The following CACNG2 variants were observed in gnomAD, a reference collection of about 807,000 sequenced individuals.
CACNG2 encodes the protein voltage-dependent calcium channel gamma-2 subunit.
CACNG2 carries 3 observed loss-of-function variants against 25.9 expected under a neutral mutation model. The observed-to-expected ratio is 0.12, with a 90% CI of 0.05 to 0.30. The LOEUF is 0.30. Among genes scored for constraint, CACNG2 ranks in the 10% least tolerant of loss-of-function variants. The probability of loss-of-function intolerance (pLI) is 1.00; values close to 1 mark genes in which losing one functional copy is unlikely to be tolerated. For synonymous variants in CACNG2, 167 were observed against 173.3 expected (o/e 0.96, Z 0.29); for missense variants, 341 against 432.5 (o/e 0.79, Z 1.88).
chr22:36,676,932 TTGTGTGTGTGTGTGTGTG>T (rs138729815), intron 1 of CACNG2, among the ~76,000 whole-genome samples: 2 of 141,650 alleles, frequency 1.4e-5, no homozygotes, highest in African/African-American at 2.6e-5. Context: ...TCTTCTAATA[TTGTGTGTGTGTGTGTGTG>T]TGTGTGTGTG....
At chr22:36,598,383 C>A (rs1041882986) in intron 1 of CACNG2, among the ~76,000 whole-genome samples, 1 of 152,136 alleles carries the variant, frequency 6.6e-6, no homozygotes, top group African/African-American at 2.4e-5. Flanking sequence ...GTTGGGAGGC[C>A]GAGGTGGGCA....
At chr22:36,608,085 T>C (rs746601385) in intron 1 of CACNG2, among the ~76,000 whole-genome samples, 3 of 152,086 alleles carry the variant, frequency 2.0e-5, no homozygotes, top group Non-Finnish European at 4.4e-5. Context: ...TCCGGGTAAG[T>C]GTTGTGTTTT....
intron 1 of CACNG2, among the ~76,000 whole-genome samples, chr22:36,604,810 C>T (rs1935807565): frequency 2.0e-5 from 3 of 152,204 alleles, no homozygotes; most frequent in South Asian, 2.1e-4. Flanking sequence ...CAGAATCTCA[C>T]TCGGTCACCC....
chr22:36,615,318 T>A (rs1358671021), intron 1 of CACNG2, among the ~76,000 whole-genome samples: 1 of 152,304 alleles, frequency 6.6e-6, no homozygotes, highest in East Asian at 1.9e-4. Context: ...ATTTCCTGTA[T>A]CTCATGGGTA....
At chr22:36,596,700 C>A (rs1199963450) in intron 1 of CACNG2, among the ~76,000 whole-genome samples, 1 of 152,156 alleles carries the variant, frequency 6.6e-6, no homozygotes, top group African/African-American at 2.4e-5. Flanking sequence ...CCACAATGAA[C>A]AATTGCTCAT....
At chr22:36,634,579 T>A (rs1266998169) in intron 1 of CACNG2, among the ~76,000 whole-genome samples, 1 of 152,204 alleles carries the variant, frequency 6.6e-6, no homozygotes, top group East Asian at 1.9e-4. Context: ...ACTGGTAAAA[T>A]TTTTTTAGGA....
chr22:36,582,407 T>C (rs1935432904), intron 2 of CACNG2, among the ~76,000 whole-genome samples: 1 of 82,526 alleles, frequency 1.2e-5, no homozygotes, highest in Admixed American at 1.5e-4. Flanking sequence ...TCTTTCTTTC[T>C]TTCTTTTTTT....
At chr22:36,693,449 G>A (rs769139826) in intron 1 of CACNG2, among the ~76,000 whole-genome samples, 10 of 152,132 alleles carry the variant, frequency 6.6e-5, no homozygotes, top group Non-Finnish European at 1.3e-4. Context: ...CACCTGCTCA[G>A]CAAGTCTCAT....
intron 1 of CACNG2, among the ~76,000 whole-genome samples, chr22:36,661,418 A>G (rs749239053): frequency 6.6e-6 from 1 of 152,190 alleles, no homozygotes; most frequent in Non-Finnish European, 1.5e-5. Flanking sequence ...GACATGGGAC[A>G]AATCATCCAA....
intron 1 of CACNG2, among the ~76,000 whole-genome samples, chr22:36,590,510 C>T (rs538454231): frequency 4.1e-4 from 62 of 152,184 alleles, no homozygotes; most frequent in Non-Finnish European, 5.9e-4. Context: ...TCCCTGCAGG[C>T]TCCATCCATC....
intron 1 of CACNG2, among the ~76,000 whole-genome samples, chr22:36,627,441 T>C (rs1936201279): frequency 6.6e-6 from 1 of 152,080 alleles, no homozygotes; most frequent in South Asian, 2.1e-4. Flanking sequence ...ATGCTCACGG[T>C]AACACATATA....
intron 1 of CACNG2, among the ~76,000 whole-genome samples, chr22:36,613,851 C>T (rs1404444761): frequency 2.0e-5 from 3 of 152,076 alleles, no homozygotes; most frequent in Non-Finnish European, 4.4e-5. Flanking sequence ...CTTCCTCCAG[C>T]CCATTTCCCA....
intron 1 of CACNG2, among the ~76,000 whole-genome samples, chr22:36,600,897 A>G (rs1043062068): frequency 2.0e-5 from 3 of 152,130 alleles, no homozygotes; most frequent in African/African-American, 7.2e-5. Flanking sequence ...GGTATCCAAC[A>G]TGATGTTGTA....
At chr22:36,586,926 C>T (rs953513372) in intron 2 of CACNG2, among the ~76,000 whole-genome samples, 2 of 137,842 alleles carry the variant, frequency 1.5e-5, no homozygotes, top group Non-Finnish European at 3.1e-5. Flanking sequence ...CTTTGACTTA[C>T]TTGACTTGCG....
chr22:36,646,183 CT>C (rs1183043188), intron 1 of CACNG2, among the ~76,000 whole-genome samples: 1 of 152,094 alleles, frequency 6.6e-6, no homozygotes, highest in East Asian at 1.9e-4. Flanking sequence ...ATATGTATTT[CT>C]TTTTTCCCAT....
At position 36,606,185 on chromosome 22, in the gene CACNG2, G is replaced by A. The variant is rs113684212; in HGVS notation, c.212-18637C>T. On this transcript the variant is annotated intron_variant, in intron 1 of 3. Transcript: ENST00000300105. The surrounding 1 kb of genome is among the most constrained non-coding windows in gnomAD (Gnocchi z 5.7). Reference sequence around the variant, plus strand: ...CAGCAGAGAAGGGATCAATACAGACGGATTCCCCGTCCCCCAGAGCTGAGT... The same window carrying A: ...CAGCAGAGAAGGGATCAATACAGACAGATTCCCCGTCCCCCAGAGCTGAGT... Among the ~76,000 whole-genome samples the A allele has an allele frequency of 0.023, 3,493 of 152,260 alleles. 102 individuals carry two copies. Among genetic ancestry groups the A allele is most frequent in the Admixed American group, 0.08 (1,228 of 15,290 alleles).
chr22:36,617,551 G>A (rs1198489720), intron 1 of CACNG2, among the ~76,000 whole-genome samples: 1 of 151,178 alleles, frequency 6.6e-6, no homozygotes. Context: ...ATCTGAAAAA[G>A]ATATATAATC....
rs186877483 is a variant in CACNG2, at chr22:36,607,040, A to G, written c.212-19492T>C. Among the ~76,000 whole-genome samples, 6 of 151,948 alleles carry G rather than the reference A, an allele frequency of 3.9e-5. No individual in the cohort carries two copies. In the East Asian group the frequency reaches 1.2e-3, roughly 29 times the overall value. ...GTGAGTGTATATGTGTGAACTTACG[A>G]GCAATGGGGAGCCACTGAGGGGTTT... On this transcript the variant is annotated intron_variant, in intron 1 of 3. Coordinates refer to ENST00000300105, the MANE Select transcript of CACNG2 (RefSeq NM_006078.5).
At chr22:36,696,245 C>T (rs1014287543) in intron 1 of CACNG2, among the ~76,000 whole-genome samples, 1 of 152,118 alleles carries the variant, frequency 6.6e-6, no homozygotes, top group East Asian at 1.9e-4. Flanking sequence ...GTTTTCTCTC[C>T]AAGCACTTTT....
Sources: gnomAD v4.1 joint callset for allele counts (sites outside exome capture counted in the v4.1 genomes callset) on GRCh38, gnomAD v4.1.1 for gene constraint, Gnocchi (gnomAD v3.1) non-coding constraint, MANE v1.5 for transcripts, NCBI Gene and HGNC (gene_info 2026-07-23, HGNC 2026-07-21) for gene names.